Variants in PLEKHA6 observed in about 807,000 individuals in gnomAD.
PLEKHA6 encodes pleckstrin homology domain-containing family A member 6.
PLEKHA6 carries 60 observed loss-of-function variants against 116.7 expected under a neutral mutation model. The observed-to-expected ratio is 0.51, with a 90% confidence interval of 0.42 to 0.64. The LOEUF is 0.64. Ranked by LOEUF, PLEKHA6 falls within the 30% of genes least tolerant of loss-of-function variation. The probability of loss-of-function intolerance (pLI) is 0.00; values close to 1 mark genes in which losing one functional copy is unlikely to be tolerated. For missense variants in PLEKHA6, 1,338 were observed against 1,422.7 expected, an observed-to-expected ratio of 0.94 and a Z score of 0.96; for synonymous variants, 489 against 556.1, an observed-to-expected ratio of 0.88 and a Z score of 1.70.
intron 1 of PLEKHA6, among the ~76,000 whole-genome samples, chr1:204,334,704 G>C (rs943674968): frequency 6.6e-6 from 1 of 152,068 alleles, no homozygotes; most frequent in Non-Finnish European, 1.5e-5. Context: ...TTCGAAATCA[G>C]TCTGGCCAAC....
At chr1:204,341,531 A>T (rs1248645151) in intron 1 of PLEKHA6, among the ~76,000 whole-genome samples, 3 of 152,200 alleles carry the variant, frequency 2.0e-5, no homozygotes, top group African/African-American at 7.2e-5. Flanking sequence ...GGAGCTCTGG[A>T]AGTCAACATT....
At chr1:204,288,991 T>C (rs1374602422) in intron 1 of PLEKHA6, among the ~76,000 whole-genome samples, 1 of 152,186 alleles carries the variant, frequency 6.6e-6, no homozygotes, top group Non-Finnish European at 1.5e-5. Flanking sequence ...TCTTTATCCT[T>C]TAAAAATAGG....
rs1207774513 is a variant in PLEKHA6 at position 204,219,091 on chromosome 1, A to G, written c.*3697T>C. 2.0e-5 allele frequency: 3 copies of G among 152,572 alleles called. No homozygotes were observed. Among genetic ancestry groups the G allele is most frequent in the Admixed American group, 6.5e-5 (1 of 15,274 alleles). 9.5% of individuals were successfully genotyped at this position (152,572 alleles called of 1,614,324 possible). On this transcript the variant is annotated 3_prime_UTR_variant, in exon 23 of 23. Transcript: ENST00000272203. ...CCCCTGACAGAGATTCCATCTATCT[A>G]ACCTTCACCCTTCTTCTAAGGCCAC...
intron 1 of PLEKHA6, among the ~76,000 whole-genome samples, chr1:204,309,975 C>T (rs1157194572): frequency 6.6e-6 from 1 of 152,066 alleles, no homozygotes; most frequent in African/African-American, 2.4e-5. Flanking sequence ...TAAAACTCTA[C>T]TTGTGGACAC....
chr1:204,320,975 T>G (rs909968295), intron 1 of PLEKHA6, among the ~76,000 whole-genome samples: 1 of 152,188 alleles, frequency 6.6e-6, no homozygotes, highest in African/African-American at 2.4e-5. Context: ...CCAAGGGATC[T>G]TGTAGCTTCT....
chr1:204,339,865 C>T (rs1330956873), intron 1 of PLEKHA6, among the ~76,000 whole-genome samples: 3 of 152,184 alleles, frequency 2.0e-5, no homozygotes. Context: ...TGACACAAGA[C>T]ACTAGCTACA....
intron 1 of PLEKHA6, among the ~76,000 whole-genome samples, chr1:204,321,397 G>A (rs1672056158): frequency 6.6e-6 from 1 of 151,834 alleles, no homozygotes; most frequent in Non-Finnish European, 1.5e-5. Context: ...GTGTAGGGCT[G>A]TCAAGGCTTT....
chr1:204,259,182 C>T lies in PLEKHA6; in HGVS notation c.1007+76G>A, dbSNP rs762774017. On this transcript the variant is annotated intron_variant, in intron 8 of 22. Transcript: ENST00000272203. This position sits in a 1 kb window ranked among gnomAD's most constrained non-coding sequence, Gnocchi z 4.6. The stretch of plus-strand genomic sequence containing the variant: ...AGAAGGTTTCCAACAGGGGATGCCT[C>T]GTGGGCTATGACCCCACTCGCACGC... The T allele has an allele frequency of 8.7e-6, 13 of 1,493,772 alleles. No homozygotes were observed. The highest frequency in any genetic ancestry group is 1.4e-5 in the African/African-American group (1 of 72,708). The allele number at this position is 1,493,772 out of a possible 1,614,324, so 92.5% of individuals were successfully genotyped here.
intron 1 of PLEKHA6, among the ~76,000 whole-genome samples, chr1:204,355,686 C>T (rs1673394239): frequency 6.6e-6 from 1 of 152,040 alleles, no homozygotes; most frequent in African/African-American, 2.4e-5. Context: ...GTAATCCACC[C>T]GCTTCGGCCT....
intron 9 of PLEKHA6, among the ~76,000 whole-genome samples, chr1:204,254,290 A>G (rs1664974951): frequency 6.6e-6 from 1 of 152,248 alleles, no homozygotes; most frequent in African/African-American, 2.4e-5. Context: ...GCCAGGAGCC[A>G]TCCCTGTTTA....
chr1:204,334,115 A>G (rs1212506754), intron 1 of PLEKHA6, among the ~76,000 whole-genome samples: 2 of 152,168 alleles, frequency 1.3e-5, no homozygotes, highest in Non-Finnish European at 2.9e-5. Context: ...GGATGGGATG[A>G]TATACAAGTG....
intron 1 of PLEKHA6, among the ~76,000 whole-genome samples, chr1:204,312,313 G>C (rs1424859511): frequency 1.3e-5 from 2 of 152,200 alleles, no homozygotes; most frequent in African/African-American, 4.8e-5. Flanking sequence ...ACGGCACACA[G>C]CAATCCTACT....
intron 1 of PLEKHA6, chr1:204,297,941 C>T (rs570499756): frequency 1.0e-6 from 1 of 973,446 alleles, no homozygotes; most frequent in East Asian, 1.1e-4. Flanking sequence ...CCTCCCCCTA[C>T]TCCTCATATC....
At chr1:204,316,328 G>T (rs1198170819) in intron 1 of PLEKHA6, among the ~76,000 whole-genome samples, 1 of 152,252 alleles carries the variant, frequency 6.6e-6, no homozygotes, top group Non-Finnish European at 1.5e-5. Context: ...TGGAGAGTGG[G>T]TGTTGGAGCA....
chr1:204,297,311 A>C (rs916803670), intron 1 of PLEKHA6: 2 of 569,202 alleles, frequency 3.5e-6, no homozygotes, highest in African/African-American at 4.1e-5. Flanking sequence ...GACAAAGACT[A>C]ATCCTCGTCC....
At chr1:204,313,194 C>T (rs938038335) in intron 1 of PLEKHA6, among the ~76,000 whole-genome samples, 1 of 151,666 alleles carries the variant, frequency 6.6e-6, no homozygotes, top group Non-Finnish European at 1.5e-5. Flanking sequence ...ACTGGAATTA[C>T]AAGTGGGACC....
chr1:204,366,907 C>T (rs1186193292), intron 3 of PLEKHA6, among the ~76,000 whole-genome samples: 4 of 152,146 alleles, frequency 2.6e-5, no homozygotes, highest in South Asian at 2.1e-4. Context: ...CAGAGAGGGA[C>T]GGAAAGGGGA....
At chr1:204,282,926 G>A (rs1668779580) in intron 1 of PLEKHA6, 5 of 376,482 alleles carry the variant, frequency 1.3e-5, no homozygotes, top group African/African-American at 2.2e-5. Flanking sequence ...CAGCCCCCTC[G>A]CCTCCAAGTT....
At chr1:204,351,686 T>C (rs938255601) in intron 1 of PLEKHA6, among the ~76,000 whole-genome samples, 7 of 152,184 alleles carry the variant, frequency 4.6e-5, no homozygotes, top group African/African-American at 1.7e-4. Flanking sequence ...ATAGAGTGCC[T>C]GAGACTTAGA....
Sources: allele counts gnomAD v4.1 joint callset (sites outside exome capture counted in the v4.1 genomes callset), GRCh38; gene constraint gnomAD v4.1.1; non-coding constraint Gnocchi (gnomAD v3.1); transcripts MANE v1.5; gene names NCBI Gene and HGNC (gene_info 2026-07-23, HGNC 2026-07-21).